Variants in SCFD1 observed in about 807,000 individuals in gnomAD.
SCFD1 encodes sec1 family domain-containing protein 1.
Under a neutral mutation model 103.2 loss-of-function variants are expected in SCFD1, and 37 were observed. That is an observed-to-expected ratio of 0.36 (90% confidence interval 0.28 to 0.47). SCFD1 has a LOEUF of 0.47. Among genes scored for constraint, SCFD1 ranks in the 20% least tolerant of loss-of-function variants. The probability of loss-of-function intolerance (pLI) is 1.00; values close to 1 mark genes in which losing one functional copy is unlikely to be tolerated. For missense variants in SCFD1, 639 were observed against 761.2 expected, an observed-to-expected ratio of 0.84 and a Z score of 1.89; for synonymous variants, 264 against 245.0, an observed-to-expected ratio of 1.08 and a Z score of -0.73.
At chr14:30,730,116 T>C (rs1488162305) in intron 23 of SCFD1, among the ~76,000 whole-genome samples, 1 of 152,224 alleles carries the variant, frequency 6.6e-6, no homozygotes, top group Non-Finnish European at 1.5e-5. Flanking sequence ...GTGTTTGGTT[T>C]TTTGTTCTTG....
At chr14:30,724,826 A>G (rs942271363) in intron 23 of SCFD1, among the ~76,000 whole-genome samples, 5 of 152,070 alleles carry the variant, frequency 3.3e-5, no homozygotes, top group African/African-American at 1.2e-4. Flanking sequence ...TGGGTTTAAC[A>G]TTTGAGTCTT....
intron 12 of SCFD1, 96 bp downstream of exon 12, chr14:30,673,443 C>A: frequency 5.6e-6 from 3 of 540,208 alleles, no homozygotes; most frequent in Non-Finnish European, 9.8e-6. Context: ...AAATTGAAGG[C>A]CATTTAATGC....
chr14:30,731,627 G>A (rs1893474387), intron 23 of SCFD1, among the ~76,000 whole-genome samples: 1 of 152,184 alleles, frequency 6.6e-6, no homozygotes, highest in East Asian at 1.9e-4. Context: ...GTGAATGGGA[G>A]TTCACTCATG....
At chr14:30,684,598 C>A (rs898220628) in intron 14 of SCFD1, among the ~76,000 whole-genome samples, 1 of 151,842 alleles carries the variant, frequency 6.6e-6, no homozygotes, top group East Asian at 1.9e-4. Context: ...AGATTCCTCC[C>A]ATAGAATGTC....
intron 10 of SCFD1, among the ~76,000 whole-genome samples, chr14:30,660,213 G>A (rs1401795197): frequency 6.6e-6 from 1 of 151,954 alleles, no homozygotes; most frequent in Non-Finnish European, 1.5e-5. Flanking sequence ...TTTTTTGATT[G>A]AAAGAATTAG....
chr14:30,663,097 A>G (rs1417095057), intron 10 of SCFD1, among the ~76,000 whole-genome samples: 2 of 152,216 alleles, frequency 1.3e-5, no homozygotes, highest in Non-Finnish European at 2.9e-5. Context: ...TATGCAAACA[A>G]TGGAAATATC....
chr14:30,651,897 A>G (rs1472544242), intron 9 of SCFD1, among the ~76,000 whole-genome samples: 1 of 152,156 alleles, frequency 6.6e-6, no homozygotes, highest in East Asian at 1.9e-4. Flanking sequence ...TTTGGTTGTC[A>G]TAACTGGTAG....
chr14:30,675,699 A>ATTGACCATG (rs1888976172), intron 14 of SCFD1, among the ~76,000 whole-genome samples: 2 of 152,204 alleles, frequency 1.3e-5, no homozygotes, highest in African/African-American at 4.8e-5. Context: ...CATATGCTAA[A>ATTGACCATG]ACTTGGCTAA....
At position 30,630,771 on chromosome 14, in the gene SCFD1, C is replaced by G. The variant is rs1437119834; in HGVS notation, c.221+206C>G. The stretch of plus-strand genomic sequence containing the variant: ...TAAATTTTCTGCCTTGTGGCTTTTC[C>G]TTAGATTTGGTTTACCCTCTATGTA... On this transcript the variant is annotated intron_variant, in intron 3 of 24. Coordinates refer to ENST00000458591, the MANE Select transcript of SCFD1 (RefSeq NM_016106.4). 3 of 497,826 alleles carry G rather than the reference C, an allele frequency of 6.0e-6. No individual in the cohort carries two copies. The East Asian group carries it at 1.1e-4, about 19-fold the overall frequency. 30.8% of individuals were successfully genotyped at this position (497,826 alleles called of 1,614,324 possible). A position where few individuals can be genotyped will look rare whatever the true frequency, so the allele number is the denominator to read the frequency against.
intron 23 of SCFD1, among the ~76,000 whole-genome samples, chr14:30,724,586 A>T (rs1321999948): frequency 6.6e-6 from 1 of 152,074 alleles, no homozygotes; most frequent in Non-Finnish European, 1.5e-5. Context: ...TTCCTTATAG[A>T]TGCGGGATAT....
chr14:30,699,789 C>G (rs939742303), intron 15 of SCFD1, among the ~76,000 whole-genome samples: 1 of 152,098 alleles, frequency 6.6e-6, no homozygotes, highest in Non-Finnish European at 1.5e-5. Context: ...CCAGGATAGT[C>G]CCACTTTCAT....
intron 1 of SCFD1, among the ~76,000 whole-genome samples, chr14:30,626,046 G>A (rs1432374026): frequency 1.3e-5 from 2 of 152,100 alleles, no homozygotes; most frequent in African/African-American, 4.8e-5. Flanking sequence ...TTATTGCCTG[G>A]AGGTGGAGGA....
intron 1 of SCFD1, among the ~76,000 whole-genome samples, chr14:30,623,784 T>C (rs1330032350): frequency 6.6e-6 from 1 of 152,180 alleles, no homozygotes; most frequent in Non-Finnish European, 1.5e-5. Context: ...GCTAGATCTA[T>C]TTTTTATCAA....
intron 16 of SCFD1, 120 bp from the exon 17 acceptor site, chr14:30,702,176 T>C: frequency 3.3e-6 from 2 of 607,838 alleles, no homozygotes; most frequent in Non-Finnish European, 5.7e-6. Flanking sequence ...TCCACTCTAC[T>C]TGGGTGCCAA....
At chr14:30,680,429 A>G (rs541757772) in intron 14 of SCFD1, among the ~76,000 whole-genome samples, 4 of 152,276 alleles carry the variant, frequency 2.6e-5, no homozygotes, top group Admixed American at 6.5e-5. Context: ...CCCACATTCT[A>G]CAGAGGAGCT....
chr14:30,713,844 ATTAT>A (rs554616395), intron 19 of SCFD1, among the ~76,000 whole-genome samples: 1 of 152,230 alleles, frequency 6.6e-6, no homozygotes, highest in Admixed American at 6.5e-5. Context: ...GAATTTTTTA[ATTAT>A]TTATTCTTGT....
At position 30,683,188 on chromosome 14, in the gene SCFD1, G is replaced by A. The variant is rs998166322; in HGVS notation, c.1242+8123G>A. The A allele has an allele frequency of 4.5e-6, 5 of 1,104,674 alleles. No homozygotes were observed. In the Admixed American group the frequency reaches 5.5e-5, roughly 12 times the overall value. The allele number at this position is 1,104,674 out of a possible 1,614,324, so 68.4% of individuals were successfully genotyped here. On this transcript the variant is annotated intron_variant, in intron 14 of 24. Coordinates refer to ENST00000458591, the MANE Select transcript of SCFD1 (RefSeq NM_016106.4). ...TCTCCTAGTAGGCTGGAGATGGAGAGTGTTCTGGATGGAGAGCAGAATGGT... is the reference window on the plus strand; with the variant it reads ...TCTCCTAGTAGGCTGGAGATGGAGAATGTTCTGGATGGAGAGCAGAATGGT...
At chr14:30,700,621 C>T (rs1891016359) in intron 16 of SCFD1, among the ~76,000 whole-genome samples, 1 of 152,096 alleles carries the variant, frequency 6.6e-6, no homozygotes, top group African/African-American at 2.4e-5. Flanking sequence ...TTGCAGTGAG[C>T]CAAGATCATG....
At position 30,649,418 on chromosome 14, in the gene SCFD1, G is replaced by A. The variant is rs1464473233; in HGVS notation, c.614-110G>A. 3.1e-5 allele frequency: 22 copies of A among 700,854 alleles called. No individual in the cohort carries two copies. The South Asian group carries it at 3.8e-4, about 12-fold the overall frequency. The allele number at this position is 700,854 out of a possible 1,614,324, so 43.4% of individuals were successfully genotyped here. A position where few individuals can be genotyped will look rare whatever the true frequency, so the allele number is the denominator to read the frequency against. ...ATAAATACATAAAATCGTGTGTAAC[G>A]TGAAATTGTATGTATCTATCACATC... On this transcript the variant is annotated intron_variant, in intron 7 of 24. Transcript: ENST00000458591.
Sources: allele counts gnomAD v4.1 joint callset (sites outside exome capture counted in the v4.1 genomes callset), GRCh38; gene constraint gnomAD v4.1.1; transcripts MANE v1.5; gene names NCBI Gene and HGNC (gene_info 2026-07-23, HGNC 2026-07-21).